The following CUL4A variants were observed in gnomAD, a reference collection of about 807,000 sequenced individuals.
CUL4A encodes the protein cullin-4A.
Under a neutral mutation model 95.5 loss-of-function variants are expected in CUL4A, and 16 were observed. That is an observed-to-expected ratio of 0.17 (90% CI 0.11 to 0.25). CUL4A has a LOEUF of 0.25. Ranked by LOEUF, CUL4A falls within the 10% of genes least tolerant of loss-of-function variation. The pLI is 1.00. For missense variants in CUL4A, 610 were observed against 937.0 expected, an observed-to-expected ratio of 0.65 and a Z score of 4.56; for synonymous variants, 380 against 353.1, an observed-to-expected ratio of 1.08 and a Z score of -0.85.
intron 7 of CUL4A, among the ~76,000 whole-genome samples, chr13:113,234,431 C>T (rs551710657): frequency 1.0e-3 from 158 of 152,210 alleles, no homozygotes; most frequent in Non-Finnish European, 1.8e-4. Flanking sequence ...AGAGCAAAAT[C>T]ATAAAGGAAC....
chr13:113,252,368 C>T (rs757511599), intron 15 of CUL4A, among the ~76,000 whole-genome samples: 27 of 152,140 alleles, frequency 1.8e-4, no homozygotes, highest in Non-Finnish European at 2.9e-4. Context: ...AGACCCATCT[C>T]TACAACAACA....
intron 5 of CUL4A, chr13:113,230,022 G>A (rs897556375): frequency 8.4e-6 from 2 of 237,726 alleles, no homozygotes; most frequent in Non-Finnish European, 1.6e-5. Flanking sequence ...TCGCGGCCAC[G>A]GACCCCACAT....
intron 2 of CUL4A, among the ~76,000 whole-genome samples, chr13:113,213,607 T>G (rs1393605311): frequency 6.6e-6 from 1 of 152,234 alleles, no homozygotes; most frequent in Non-Finnish European, 1.5e-5. Flanking sequence ...GCCTCATTAT[T>G]TTTACTTAAA....
chr13:113,211,042 C>T (rs1300686487), intron 2 of CUL4A, among the ~76,000 whole-genome samples: 2 of 152,194 alleles, frequency 1.3e-5, no homozygotes, highest in Non-Finnish European at 2.9e-5. Context: ...GTAACCGGCA[C>T]CACGGTCAAG....
At position 113,217,519 on chromosome 13, in the gene CUL4A, G is replaced by C. The variant is rs2040739448; in HGVS notation, c.265-1426G>C. Among the ~76,000 whole-genome samples, 4 of 152,156 alleles carry C rather than the reference G, an allele frequency of 2.6e-5. No individual in the cohort carries two copies. In the Middle Eastern group the frequency reaches 0.01, roughly 391 times the overall value. On this transcript the variant is annotated intron_variant, in intron 2 of 19. Coordinates refer to ENST00000375440, the MANE Select transcript of CUL4A (RefSeq NM_001008895.4). ...TATTCCACATCCTCTTTTGATCTTT[G>C]TAAATATGCATGTATTTTATATGGT... is the stretch of plus-strand genomic sequence containing the variant.
intron 15 of CUL4A, among the ~76,000 whole-genome samples, chr13:113,247,472 C>G (rs2041887065): frequency 6.6e-6 from 1 of 152,148 alleles, no homozygotes; most frequent in Non-Finnish European, 1.5e-5. Flanking sequence ...GTTCAGAGAA[C>G]TTCTTAATAT....
At chr13:113,244,596 G>T in intron 12 of CUL4A, 82 bp downstream of exon 12, 1 of 967,444 alleles carries the variant, frequency 1.0e-6, no homozygotes, top group Non-Finnish European at 1.6e-6. Context: ...TTTAGCATGA[G>T]AATGTCAGTA....
chr13:113,252,829 G>T (rs1566368076), intron 15 of CUL4A, among the ~76,000 whole-genome samples: 1 of 152,230 alleles, frequency 6.6e-6, no homozygotes, highest in Non-Finnish European at 1.5e-5. Context: ...GCCCTGGTAT[G>T]TACAGAGACC....
intron 18 of CUL4A, among the ~76,000 whole-genome samples, chr13:113,255,415 T>C (rs2042095556): frequency 6.6e-6 from 1 of 152,220 alleles, no homozygotes; most frequent in Non-Finnish European, 1.5e-5. Flanking sequence ...TTATCCACAC[T>C]TTCTATGGTA....
chr13:113,208,421 C>T (rs1008145563), upstream of CUL4A: 3 of 1,488,192 alleles, frequency 2.0e-6, no homozygotes, highest in Non-Finnish European at 2.7e-6. Flanking sequence ...GAACTCGGGC[C>T]GCCTTCCCGA....
Position 113,228,591 on chromosome 13 carries a change from G to A in CUL4A, c.438+546G>A, listed in dbSNP as rs1442416537. Among the ~76,000 whole-genome samples the A allele has an allele frequency of 4.6e-5, 7 of 152,154 alleles. 1 individual carries two copies. Among genetic ancestry groups the A allele is most frequent in the African/African-American group, 1.4e-4 (6 of 41,510 alleles). ...TAGCTGGCAGCTGCTAGAGCTCGCTGAGGGTCTGTTGGGAAGGGTTTGGTG... is the reference window on the plus strand; with the variant it reads ...TAGCTGGCAGCTGCTAGAGCTCGCTAAGGGTCTGTTGGGAAGGGTTTGGTG... On this transcript the variant is annotated intron_variant, in intron 4 of 19. Transcript: ENST00000375440.
chr13:113,211,421 G>A (rs1344885051), intron 2 of CUL4A, among the ~76,000 whole-genome samples: 1 of 152,226 alleles, frequency 6.6e-6, no homozygotes, highest in African/African-American at 2.4e-5. Flanking sequence ...TTTCACTCTT[G>A]TGGCCCAGGC....
At chr13:113,233,828 G>A (rs2041448353) in intron 6 of CUL4A, 69 bp from the exon 7 acceptor site, 1 of 916,896 alleles carries the variant, frequency 1.1e-6, no homozygotes, top group Non-Finnish European at 1.8e-6. Flanking sequence ...TCAGAAACTG[G>A]GATGTGTTAG....
At position 113,222,206 on chromosome 13, in the gene CUL4A, G is replaced by A. The variant is rs567647071; in HGVS notation, c.368+3158G>A. Among the ~76,000 whole-genome samples, 7 of 152,314 alleles carry A rather than the reference G, an allele frequency of 4.6e-5. No homozygotes were observed. In the South Asian group the frequency reaches 1.2e-3, roughly 27 times the overall value. On this transcript the variant is annotated intron_variant, in intron 3 of 19. Coordinates refer to ENST00000375440, the MANE Select transcript of CUL4A (RefSeq NM_001008895.4). Reference sequence around the variant, plus strand: ...GGAGGAGCCTTTGTTGAACCAAGAGGTTGAGGTTTATCTGAAGGTGGAGAT... The same window carrying A: ...GGAGGAGCCTTTGTTGAACCAAGAGATTGAGGTTTATCTGAAGGTGGAGAT...
chr13:113,250,317 TG>T (rs780397464), intron 15 of CUL4A, among the ~76,000 whole-genome samples: 25 of 152,136 alleles, frequency 1.6e-4, no homozygotes, highest in Admixed American at 3.3e-4. Flanking sequence ...CCGCATGTCG[TG>T]GTGTCTGCCT....
At chr13:113,239,937 A>G (rs914703201) in intron 10 of CUL4A, among the ~76,000 whole-genome samples, 4 of 152,188 alleles carry the variant, frequency 2.6e-5, no homozygotes, top group Non-Finnish European at 5.9e-5. Context: ...ACTATTATAT[A>G]TTTGGCATAT....
intron 18 of CUL4A, among the ~76,000 whole-genome samples, chr13:113,257,984 G>T (rs1411481469): frequency 6.6e-6 from 1 of 151,930 alleles, no homozygotes. Flanking sequence ...TATAAATTCT[G>T]TGTCTATTTC....
At chr13:113,262,390 G>A (rs1269129036) in intron 19 of CUL4A, among the ~76,000 whole-genome samples, 1 of 152,114 alleles carries the variant, frequency 6.6e-6, no homozygotes, top group African/African-American at 2.4e-5. Flanking sequence ...ACTGCCTCAC[G>A]CCAGCGATCC....
At chr13:113,261,730 C>G (rs1221319046) in intron 19 of CUL4A, among the ~76,000 whole-genome samples, 6 of 151,544 alleles carry the variant, frequency 4.0e-5, no homozygotes, top group Admixed American at 3.9e-4. Context: ...GCCCACTCTG[C>G]TCTCAGGGGT....
Sources: gnomAD v4.1 joint callset for allele counts (sites outside exome capture counted in the v4.1 genomes callset) on GRCh38, gnomAD v4.1.1 for gene constraint, MANE v1.5 for transcripts, NCBI Gene and HGNC (gene_info 2026-07-23, HGNC 2026-07-21) for gene names.